HDLBP: variants seen among roughly 807,000 people sequenced by gnomAD.
The protein encoded by HDLBP is high density lipoprotein binding protein.
In HDLBP, 30 loss-of-function variants were observed where a neutral mutation model predicts 137.3. The ratio of observed to expected loss-of-function variants is 0.22; its 90% confidence interval spans 0.16 to 0.30. The LOEUF is 0.30. Ranked by LOEUF, HDLBP falls within the 10% of genes least tolerant of loss-of-function variation. The probability of loss-of-function intolerance (pLI) is 1.00; values close to 1 mark genes in which losing one functional copy is unlikely to be tolerated. For missense variants in HDLBP, 1,119 were observed against 1,667.3 expected (o/e 0.67, Z 5.73); for synonymous variants, 606 against 596.0 (o/e 1.02, Z -0.24).
intron 14 of HDLBP, chr2:241,247,469 G>A (rs1356104534): frequency 2.0e-5 from 7 of 343,128 alleles, no homozygotes; most frequent in African/African-American, 4.2e-5. Flanking sequence ...CTGCACTCAC[G>A]GCAGTGATGT....
chr2:241,255,134 C>T lies in HDLBP; in HGVS notation c.1105G>A (p.Val369Ile). The T allele has an allele frequency of 1.2e-6, 2 of 1,614,164 alleles. No homozygotes were observed. Among genetic ancestry groups the T allele is most frequent in the Non-Finnish European group, 1.7e-6 (2 of 1,180,026 alleles). ...CGGTGAAGCCAGGAAGGGGCGGCGACAGAGGAGACGGTGAAGCTATTGGCC... is the reference window on the plus strand; with the variant it reads ...CGGTGAAGCCAGGAAGGGGCGGCGATAGAGGAGACGGTGAAGCTATTGGCC... ...AKANSFTVSS[V>I]AAPSWLHRFI... The change falls in exon 9 of 28, where the codon GTC becomes ATC. Residue 369 changes from valine to isoleucine, a missense_variant. By Grantham distance (29) the Val-to-Ile change is conservative. Around this residue, in one of 4 missense-constraint regions of HDLBP, gnomAD observed 425 missense variants for 693.9 expected, o/e 0.61. Coordinates refer to ENST00000310931, the MANE Select transcript of HDLBP (RefSeq NM_005336.6).
intron 1 of HDLBP, among the ~76,000 whole-genome samples, chr2:241,270,533 T>C (rs1176553774): frequency 1.3e-5 from 2 of 152,244 alleles, no homozygotes; most frequent in South Asian, 4.1e-4. Flanking sequence ...ATGACCCACA[T>C]GTAAATGCAG....
chr2:241,274,571 A>C (rs1442518204), intron 1 of HDLBP, among the ~76,000 whole-genome samples: 1 of 152,196 alleles, frequency 6.6e-6, no homozygotes, highest in African/African-American at 2.4e-5. Flanking sequence ...GCTGTCAAGG[A>C]ACTTCCAATA....
intron 1 of HDLBP, among the ~76,000 whole-genome samples, chr2:241,270,534 G>A (rs988057709): frequency 1.4e-4 from 21 of 152,228 alleles, no homozygotes; most frequent in African/African-American, 4.1e-4. Flanking sequence ...TGACCCACAT[G>A]TAAATGCAGA....
chr2:241,227,708 CTG>C lies in HDLBP; in HGVS notation c.*1891_*1892del, dbSNP rs2069263064. On this transcript the variant is annotated 3_prime_UTR_variant, in exon 28 of 28. Coordinates refer to ENST00000310931, the MANE Select transcript of HDLBP (RefSeq NM_005336.6). ...GGTAGGGGCAGGATGTTTTATGACA[CTG>C]TAGAAAAGACAGGAGGAACCCGCTG... The C allele has an allele frequency of 6.6e-6, 1 of 152,546 alleles. No homozygotes were observed. The highest frequency in any genetic ancestry group is 2.4e-5 in the African/African-American group (1 of 41,398). 9.4% of individuals were successfully genotyped at this position (152,546 alleles called of 1,614,324 possible). A position where few individuals can be genotyped will look rare whatever the true frequency, so the allele number is the denominator to read the frequency against.
Position 241,238,534 on chromosome 2 carries a change from T to C in HDLBP, c.2749+115A>G, listed in dbSNP as rs761433423. ...AACCTCTGGAAGCCCCCAGAATACA[T>C]AGATGGTTTTCCAGCAGAGACAGGA... is the stretch of plus-strand genomic sequence containing the variant. On this transcript the variant is annotated intron_variant, in intron 20 of 27. Coordinates refer to ENST00000310931, the MANE Select transcript of HDLBP (RefSeq NM_005336.6). The surrounding 1 kb of genome is among the most constrained non-coding windows in gnomAD (Gnocchi z 4.9). 4.2e-5 allele frequency: 35 copies of C among 838,956 alleles called. No individual in the cohort carries two copies. Among genetic ancestry groups the C allele is most frequent in the Middle Eastern group, 7.4e-4 (2 of 2,706 alleles). 52.0% of individuals were successfully genotyped at this position (838,956 alleles called of 1,614,324 possible). A position where few individuals can be genotyped will look rare whatever the true frequency, so the allele number is the denominator to read the frequency against.
chr2:241,278,231 G>C (rs1171824084), intron 1 of HDLBP, among the ~76,000 whole-genome samples: 1 of 152,174 alleles, frequency 6.6e-6, no homozygotes, highest in Non-Finnish European at 1.5e-5. Flanking sequence ...TAGAAAAACA[G>C]AGTAAAGTTA....
intron 1 of HDLBP, among the ~76,000 whole-genome samples, chr2:241,300,982 A>AG (rs1553659890): frequency 2.8e-5 from 3 of 107,788 alleles, no homozygotes; most frequent in African/African-American, 8.9e-5. Context: ...TATTATTATT[A>AG]TTATTATTAT....
intron 5 of HDLBP, among the ~76,000 whole-genome samples, chr2:241,259,474 G>C (rs1013139526): frequency 1.3e-5 from 2 of 152,086 alleles, no homozygotes; most frequent in South Asian, 2.1e-4. Context: ...TCAGAAAAAA[G>C]GAATTACTTC....
intron 20 of HDLBP, 73 bp from the exon 21 acceptor site, chr2:241,236,842 G>A (rs2149367945): frequency 2.0e-6 from 3 of 1,502,576 alleles, no homozygotes; most frequent in East Asian, 2.3e-5. Flanking sequence ...GAATGCATAT[G>A]TCTGTGAGGC....
intron 1 of HDLBP, among the ~76,000 whole-genome samples, chr2:241,270,714 C>T (rs141399846): frequency 7.7e-4 from 117 of 152,310 alleles, no homozygotes; most frequent in African/African-American, 2.5e-3. Flanking sequence ...CGCACTGCTA[C>T]GCCCTGCTCC....
chr2:241,246,730 A>G (rs1178429965), intron 16 of HDLBP, 22 bp downstream of exon 16: 2 of 1,609,852 alleles, frequency 1.2e-6, no homozygotes. Context: ...GAGGATCTCC[A>G]TTAGAAAACA....
At position 241,254,236 on chromosome 2, in the gene HDLBP, C is replaced by T. The variant is rs376514112; in HGVS notation, c.1189-739G>A. Among the ~76,000 whole-genome samples the T allele has an allele frequency of 1.3e-3, 197 of 151,936 alleles. 1 individual carries two copies. Among genetic ancestry groups the T allele is most frequent in the African/African-American group, 4.6e-3 (192 of 41,412 alleles). ...CTATGACTGCGCTACTGCACCCCAG[C>T]CTGGGTGACAGAGTGAGGCTTTGTC... On this transcript the variant is annotated intron_variant, in intron 9 of 27. Coordinates refer to ENST00000310931, the MANE Select transcript of HDLBP (RefSeq NM_005336.6).
chr2:241,283,039 A>T (rs1341783588), intron 1 of HDLBP, among the ~76,000 whole-genome samples: 1 of 152,240 alleles, frequency 6.6e-6, no homozygotes. Flanking sequence ...AATGCAAAGA[A>T]AAAAGGCTGA....
chr2:241,279,824 C>A, intron 1 of HDLBP: 1 of 694,950 alleles, frequency 1.4e-6, no homozygotes, highest in Non-Finnish European at 1.8e-6. Context: ...ATGCTCATCT[C>A]ACTGCACTGC....
In HDLBP at chr2:241,242,569, T is replaced by C. The variant is rs2071346622; in HGVS notation, c.2060A>G (p.His687Arg). ...TGAACCTTCCACGGGAAAGTGAATG[T>C]GGACCCCGCCGCACTCCTCCATGAT... ...RSIMEECGGV[H>R]IHFPVEGSGS... The change falls in exon 17 of 28, where the codon CAC becomes CGC. Residue 687 changes from histidine (H) to arginine (R), a missense_variant. Transcript: ENST00000310931. The C allele has an allele frequency of 3.7e-6, 6 of 1,614,074 alleles. No homozygotes were observed. The highest frequency in any genetic ancestry group is 1.1e-5 in the South Asian group (1 of 91,092).
intron 4 of HDLBP, among the ~76,000 whole-genome samples, chr2:241,263,183 A>C (rs1307656174): frequency 6.6e-6 from 1 of 152,240 alleles, no homozygotes; most frequent in Non-Finnish European, 1.5e-5. Flanking sequence ...TGATGAAATC[A>C]ACAGGGGCAA....
At position 241,258,767 on chromosome 2, in the gene HDLBP, C is replaced by T. The variant is rs150028724; in HGVS notation, c.451-1961G>A. The stretch of plus-strand genomic sequence containing the variant: ...GGCCCTTATATATTGAAAAGGTGCT[C>T]AATCTTGCTCATCAGAAAAATGCAA... On this transcript the variant is annotated intron_variant, in intron 5 of 27. Transcript: ENST00000310931. 3.7e-4 allele frequency among the ~76,000 whole-genome samples: 57 copies of T among 152,264 alleles called. 1 individual carries two copies. The highest frequency in any genetic ancestry group is 1.3e-3 in the African/African-American group (53 of 41,550).
intron 6 of HDLBP, 28 bp downstream of exon 6, chr2:241,256,572 G>A (rs199865538): frequency 6.2e-7 from 1 of 1,608,096 alleles, no homozygotes; most frequent in African/African-American, 1.3e-5. Context: ...AGGTAGGCAG[G>A]GGCACGAGGC....
Sources: allele counts gnomAD v4.1 joint callset (sites outside exome capture counted in the v4.1 genomes callset), GRCh38; gene constraint gnomAD v4.1.1; regional missense constraint gnomAD v4.1.1; non-coding constraint Gnocchi (gnomAD v3.1); transcripts MANE v1.5; gene names NCBI Gene and HGNC (gene_info 2026-07-23, HGNC 2026-07-21).